The following HOOK3 variants were observed in gnomAD, a reference collection of about 807,000 sequenced individuals.
HOOK3 encodes hook microtubule tethering protein 3.
In HOOK3, 24 loss-of-function variants were observed where a neutral mutation model predicts 116.3. The ratio of observed to expected loss-of-function variants is 0.21; its 90% CI spans 0.15 to 0.29. HOOK3 has a LOEUF of 0.29. Among genes scored for constraint, HOOK3 ranks in the 10% least tolerant of loss-of-function variants. The pLI, the probability that HOOK3 is intolerant of heterozygous loss-of-function variation, is 1.00. For synonymous variants in HOOK3, 275 were observed against 283.0 expected, an observed-to-expected ratio of 0.97 and a Z score of 0.28; for missense variants, 632 against 830.2, an observed-to-expected ratio of 0.76 and a Z score of 2.93.
chr8:42,993,919 C>T (rs1563309881), intron 15 of HOOK3, among the ~76,000 whole-genome samples: 1 of 151,928 alleles, frequency 6.6e-6, no homozygotes, highest in African/African-American at 2.4e-5. Context: ...AAAGGTTTGT[C>T]AATTTATCTT....
At chr8:42,978,572 G>T (rs992589235) in intron 13 of HOOK3, among the ~76,000 whole-genome samples, 1 of 151,876 alleles carries the variant, frequency 6.6e-6, no homozygotes, top group Non-Finnish European at 1.5e-5. Flanking sequence ...CACCACACCC[G>T]GCTAGTTTTT....
chr8:42,978,159 T>A (rs1277960925), intron 13 of HOOK3, among the ~76,000 whole-genome samples: 2 of 152,230 alleles, frequency 1.3e-5, no homozygotes, highest in Non-Finnish European at 2.9e-5. Flanking sequence ...ATGAAAACAG[T>A]ATTAAATGTA....
chr8:42,929,913 T>A (rs190279825), intron 3 of HOOK3, among the ~76,000 whole-genome samples: 2 of 152,274 alleles, frequency 1.3e-5, no homozygotes, highest in African/African-American at 4.8e-5. Flanking sequence ...TCTACATAAT[T>A]GGAGACATAA....
chr8:42,901,269 A>G (rs1256161185), intron 1 of HOOK3, among the ~76,000 whole-genome samples: 1 of 152,214 alleles, frequency 6.6e-6, no homozygotes, highest in Non-Finnish European at 1.5e-5. Flanking sequence ...AAGAAAGATT[A>G]TAACCCTTCA....
In HOOK3 at chr8:43,022,673, G is replaced by A. The variant is rs567031455; in HGVS notation, c.*4175G>A. On this transcript the variant is annotated 3_prime_UTR_variant, in exon 22 of 22. Transcript: ENST00000307602. ...TTTTTAAAGAACTTTGAAAAACTCC[G>A]TCATATCTTTTACCATTTGTCTATT... 62 of 182,140 alleles carry A rather than the reference G, an allele frequency of 3.4e-4. No individual in the cohort carries two copies. Among genetic ancestry groups the A allele is most frequent in the Middle Eastern group, 2.0e-3 (1 of 502 alleles). 11.3% of individuals were successfully genotyped at this position (182,140 alleles called of 1,614,324 possible).
Position 43,020,092 on chromosome 8 carries a change from AAAAATC to A in HOOK3, c.*1596_*1601del, listed in dbSNP as rs1809795617. 1 of 198,314 alleles carries A rather than the reference AAAAATC, an allele frequency of 5.0e-6. No homozygotes were observed. Among genetic ancestry groups the A allele is most frequent in the South Asian group, 1.9e-4 (1 of 5,238 alleles). The allele number at this position is 198,314 out of a possible 1,614,324, so 12.3% of individuals were successfully genotyped here. A position where few individuals can be genotyped will look rare whatever the true frequency, so the allele number is the denominator to read the frequency against. ...TTCTTTTTAATAAGAAAGATGACCT[AAAAATC>A]AGTGGTATTTGTTTGTCCTCAGAAG... is the stretch of plus-strand genomic sequence containing the variant. On this transcript the variant is annotated 3_prime_UTR_variant, in exon 22 of 22. Coordinates refer to ENST00000307602, the MANE Select transcript of HOOK3 (RefSeq NM_032410.4).
At position 43,025,433 on chromosome 8, in the gene HOOK3, T is replaced by C; in HGVS notation, c.*6935T>C. The C allele has an allele frequency of 4.7e-6, 1 of 213,642 alleles. No individual in the cohort carries two copies. Among genetic ancestry groups the C allele is most frequent in the East Asian group, 7.1e-5 (1 of 14,174 alleles). The allele number at this position is 213,642 out of a possible 1,614,324, so 13.2% of individuals were successfully genotyped here. A position where few individuals can be genotyped will look rare whatever the true frequency, so the allele number is the denominator to read the frequency against. On this transcript the variant is annotated 3_prime_UTR_variant, in exon 22 of 22. Transcript: ENST00000307602. ...CAAATATGCAGGCAGAGGGAAGTCCTAATACAATGAAAACTTGCATTATCT... is the reference window on the plus strand; with the variant it reads ...CAAATATGCAGGCAGAGGGAAGTCCCAATACAATGAAAACTTGCATTATCT...
At chr8:42,925,469 A>T in intron 2 of HOOK3, 88 bp from the exon 3 acceptor site, 1 of 814,430 alleles carries the variant, frequency 1.2e-6, no homozygotes, top group Non-Finnish European at 2.0e-6. Context: ...TGTTGCAGTT[A>T]AGTGATTATA....
rs188554272 is a variant in HOOK3, at chr8:42,934,555, C to T, written c.267+4383C>T. On this transcript the variant is annotated intron_variant, in intron 4 of 21. Transcript: ENST00000307602. ...TATCCCTCCCCTAGCCCCCCTCCCC[C>T]GCACCAGGCCCCAGTGGGTGATGTT... Among the ~76,000 whole-genome samples, 362 of 152,146 alleles carry T rather than the reference C, an allele frequency of 2.4e-3. 2 individuals carry two copies. Among genetic ancestry groups the T allele is most frequent in the Admixed American group, 3.9e-3 (60 of 15,278 alleles).
At chr8:43,008,663 ATTTTTT>A (rs546007965) in intron 18 of HOOK3, among the ~76,000 whole-genome samples, 20 of 131,452 alleles carry the variant, frequency 1.5e-4, no homozygotes, top group African/African-American at 5.3e-4. Context: ...TTTTATTTTT[ATTTTTT>A]TTTTTTTTGA....
At chr8:42,931,941 G>A (rs925322411) in intron 4 of HOOK3, among the ~76,000 whole-genome samples, 2 of 152,068 alleles carry the variant, frequency 1.3e-5, no homozygotes, top group African/African-American at 4.8e-5. Flanking sequence ...TTTTGGTAGA[G>A]ACAGGGTTTC....
chr8:42,931,425 C>CTTTTTTTTTTTTTTTTTT (rs764965780), intron 4 of HOOK3, among the ~76,000 whole-genome samples: 5 of 100,580 alleles, frequency 5.0e-5, no homozygotes, highest in Admixed American at 1.2e-4. Flanking sequence ...CTTCTCTTCT[C>CTTTTTTTTTTTTTTTTTT]TTTTTTTTTT....
At chr8:43,006,120 A>G (rs1315324072) in intron 17 of HOOK3, among the ~76,000 whole-genome samples, 1 of 150,864 alleles carries the variant, frequency 6.6e-6, no homozygotes, top group Non-Finnish European at 1.5e-5. Flanking sequence ...TCCCGGGTTC[A>G]CGCCATTCTC....
intron 15 of HOOK3, among the ~76,000 whole-genome samples, chr8:42,993,850 G>T (rs888068462): frequency 6.6e-6 from 1 of 151,750 alleles, no homozygotes; most frequent in East Asian, 1.9e-4. Context: ...GTAATGTCTC[G>T]TTTTTTTGTC....
intron 4 of HOOK3, among the ~76,000 whole-genome samples, chr8:42,942,087 C>A (rs1423102656): frequency 6.6e-6 from 1 of 151,832 alleles, no homozygotes. Flanking sequence ...GGTGAAATCC[C>A]GTCTCTACTA....
chr8:43,014,316 A>C (rs553814997), intron 21 of HOOK3, among the ~76,000 whole-genome samples: 2 of 151,086 alleles, frequency 1.3e-5, no homozygotes, highest in South Asian at 4.2e-4. Context: ...AAGTTGTCCA[A>C]GACAAGAAAT....
At chr8:42,976,564 G>A (rs527376005) in intron 13 of HOOK3, among the ~76,000 whole-genome samples, 1 of 152,234 alleles carries the variant, frequency 6.6e-6, no homozygotes, top group Admixed American at 6.5e-5. Context: ...AGACTTAATT[G>A]CAATTTGAGT....
intron 10 of HOOK3, among the ~76,000 whole-genome samples, chr8:42,966,887 T>C (rs1020338116): frequency 9.9e-5 from 15 of 152,132 alleles, no homozygotes; most frequent in African/African-American, 3.6e-4. Context: ...GTTTGTAAAA[T>C]AGAAATTGTG....
chr8:43,011,076 T>TC (rs1232215202), intron 19 of HOOK3, among the ~76,000 whole-genome samples: 1 of 151,800 alleles, frequency 6.6e-6, no homozygotes, highest in African/African-American at 2.4e-5. Context: ...CACTGCAAGC[T>TC]CCGCCTCCCG....
Sources: allele counts gnomAD v4.1 joint callset (sites outside exome capture counted in the v4.1 genomes callset), GRCh38; gene constraint gnomAD v4.1.1; transcripts MANE v1.5; gene names NCBI Gene and HGNC (gene_info 2026-07-23, HGNC 2026-07-21).